The following NHSL1 variants were observed in gnomAD, a reference collection of about 807,000 sequenced individuals.
NHSL1 encodes NHS-like protein 1.
NHSL1 carries 48 observed loss-of-function variants against 95.0 expected under a neutral mutation model. The ratio of observed to expected loss-of-function variants is 0.51; its 90% confidence interval spans 0.40 to 0.64. The LOEUF (loss-of-function observed/expected upper bound fraction) is 0.64. NHSL1 is among the 30% of genes least tolerant of loss of function. NHSL1 has a pLI of 0.00. For missense variants in NHSL1, 1,971 were observed against 2,077.7 expected (o/e 0.95, Z 1.00); for synonymous variants, 783 against 833.9 (o/e 0.94, Z 1.05).
At chr6:138,688,487 T>C (rs1208350331) in intron 1 of NHSL1, among the ~76,000 whole-genome samples, 2 of 151,132 alleles carry the variant, frequency 1.3e-5, no homozygotes, top group Non-Finnish European at 2.9e-5. Context: ...CTACTAAAAA[T>C]ACAAAAATTA....
intron 1 of NHSL1, among the ~76,000 whole-genome samples, chr6:138,531,739 C>T (rs1782143804): frequency 1.3e-5 from 2 of 152,064 alleles, no homozygotes; most frequent in Non-Finnish European, 2.9e-5. Context: ...GTCTTCAATT[C>T]CTGACCTCAA....
chr6:138,548,441 C>T (rs1166421016), upstream of NHSL1, among the ~76,000 whole-genome samples: 5 of 152,138 alleles, frequency 3.3e-5, no homozygotes, highest in Non-Finnish European at 7.3e-5. Flanking sequence ...CTGAATGTGA[C>T]CCAACACAAA....
chr6:138,476,957 T>TAAAAAAA (rs58311101), intron 2 of NHSL1, among the ~76,000 whole-genome samples: 20 of 100,552 alleles, frequency 2.0e-4, no homozygotes, highest in African/African-American at 3.8e-4. Context: ...TCCCTGAATC[T>TAAAAAAA]AAAAAAAAAA....
intron 2 of NHSL1, among the ~76,000 whole-genome samples, chr6:138,489,686 C>T (rs922726685): frequency 6.9e-6 from 1 of 144,844 alleles, no homozygotes; most frequent in African/African-American, 2.6e-5. Context: ...GGATTGGGCC[C>T]GGGAAGTCAA....
upstream of NHSL1, among the ~76,000 whole-genome samples, chr6:138,573,592 C>T (rs908863848): frequency 1.3e-5 from 2 of 152,144 alleles, no homozygotes; most frequent in African/African-American, 4.8e-5. Flanking sequence ...AGAAGTTCTA[C>T]AAAGTGTTAC....
chr6:138,658,024 G>A (rs1229584596), intron 1 of NHSL1, among the ~76,000 whole-genome samples: 1 of 151,954 alleles, frequency 6.6e-6, no homozygotes, highest in Non-Finnish European at 1.5e-5. Flanking sequence ...TATCTTGGCA[G>A]AAATCTTTTG....
At chr6:138,483,670 C>T (rs902543996) in intron 2 of NHSL1, among the ~76,000 whole-genome samples, 1 of 152,158 alleles carries the variant, frequency 6.6e-6, no homozygotes, top group African/African-American at 2.4e-5. Flanking sequence ...TTTCAACACA[C>T]AATCAGATGG....
At chr6:138,620,457 C>T (rs181100194) in intron 1 of NHSL1, among the ~76,000 whole-genome samples, 33 of 152,076 alleles carry the variant, frequency 2.2e-4, no homozygotes, top group Middle Eastern at 3.4e-3. Context: ...CAGAACTTCA[C>T]AAGGGATTAT....
At chr6:138,504,978 C>T (rs188956931) in intron 1 of NHSL1, among the ~76,000 whole-genome samples, 6 of 152,268 alleles carry the variant, frequency 3.9e-5, no homozygotes, top group Admixed American at 6.5e-5. Context: ...GACTCTGTTA[C>T]GACCCATGCT....
intron 1 of NHSL1, among the ~76,000 whole-genome samples, chr6:138,665,217 A>G (rs1785279696): frequency 6.6e-6 from 1 of 151,984 alleles, no homozygotes; most frequent in Non-Finnish European, 1.5e-5. Context: ...CATAATACAG[A>G]TCAACTTAGC....
At chr6:138,527,618 C>T (rs1254525168) in intron 1 of NHSL1, among the ~76,000 whole-genome samples, 3 of 152,132 alleles carry the variant, frequency 2.0e-5, no homozygotes, top group Admixed American at 6.6e-5. Flanking sequence ...GTACATACTA[C>T]GCCCCTTACC....
At chr6:138,626,324 G>A (rs987566540) in intron 1 of NHSL1, among the ~76,000 whole-genome samples, 15 of 152,214 alleles carry the variant, frequency 9.9e-5, no homozygotes, top group African/African-American at 1.2e-4. Context: ...CTCTTCCCTC[G>A]CAAAGCAAAA....
chr6:138,644,080 GT>G (rs1784988906), intron 1 of NHSL1, among the ~76,000 whole-genome samples: 1 of 150,976 alleles, frequency 6.6e-6, no homozygotes, highest in Non-Finnish European at 1.5e-5. Context: ...TTTGAGAATT[GT>G]ATCTTTTTAT....
At chr6:138,463,261 C>CTGATTAAAT (rs1332067082) in intron 3 of NHSL1, among the ~76,000 whole-genome samples, 3 of 152,136 alleles carry the variant, frequency 2.0e-5, no homozygotes, top group African/African-American at 7.2e-5. Context: ...GTTAAATAAT[C>CTGATTAAAT]AATCAGATCA....
chr6:138,532,356 C>T (rs1325530241), intron 1 of NHSL1, among the ~76,000 whole-genome samples: 1 of 152,174 alleles, frequency 6.6e-6, no homozygotes, highest in African/African-American at 2.4e-5. Flanking sequence ...ACTTTTTAAC[C>T]AGAGAAGAAA....
chr6:138,542,151 GA>G (rs1213392132), intron 1 of NHSL1, among the ~76,000 whole-genome samples: 1 of 152,192 alleles, frequency 6.6e-6, no homozygotes, highest in Non-Finnish European at 1.5e-5. Flanking sequence ...CAGAGACACA[GA>G]GAAACACACA....
chr6:138,684,073 A>C (rs1785550648), intron 1 of NHSL1, among the ~76,000 whole-genome samples: 1 of 151,680 alleles, frequency 6.6e-6, no homozygotes, highest in South Asian at 2.1e-4. Flanking sequence ...TCAGCTGGGC[A>C]TGGTGGTGCC....
rs1444011853 is a variant in NHSL1, at chr6:138,430,257, G to A, written c.3952+136C>T. 8.1e-7 allele frequency: 1 copy of A among 1,233,080 alleles called. No individual in the cohort carries two copies. 76.4% of individuals were successfully genotyped at this position (1,233,080 alleles called of 1,614,324 possible). A position where few individuals can be genotyped will look rare whatever the true frequency, so the allele number is the denominator to read the frequency against. The stretch of plus-strand genomic sequence containing the variant: ...CTTAATCTGTGTTTTAACACAGGAA[G>A]CCTACATACTGCTAGCTTTAACAGG... On this transcript the variant is annotated intron_variant, in intron 6 of 7. Coordinates refer to ENST00000343505, the MANE Select transcript of NHSL1 (RefSeq NM_001144060.2). The surrounding 1 kb of genome is among the most constrained non-coding windows in gnomAD (Gnocchi z 4.7).
intron 1 of NHSL1, among the ~76,000 whole-genome samples, chr6:138,666,538 GCTGAGATTGCACCA>G (rs1785296881): frequency 6.9e-6 from 1 of 143,934 alleles, no homozygotes; most frequent in Non-Finnish European, 1.5e-5. Context: ...CTTGCAGTGA[GCTGAGATTGCACCA>G]CTGCATTTCA....
Sources: allele counts gnomAD v4.1 joint callset (sites outside exome capture counted in the v4.1 genomes callset), GRCh38; gene constraint gnomAD v4.1.1; non-coding constraint Gnocchi (gnomAD v3.1); transcripts MANE v1.5; gene names NCBI Gene and HGNC (gene_info 2026-07-23, HGNC 2026-07-21).